The following ENOX2 variants were observed in gnomAD, a reference collection of about 807,000 sequenced individuals.
The protein encoded by ENOX2 is ecto-NOX disulfide-thiol exchanger 2.
Under a neutral mutation model 45.0 loss-of-function variants are expected in ENOX2, and 36 were observed. That is an observed-to-expected ratio of 0.80 (90% CI 0.61 to 1.06). ENOX2 has a LOEUF of 1.06. Among genes scored for constraint, ENOX2 ranks in the 50% least tolerant of loss-of-function variants. The pLI, the probability that ENOX2 is intolerant of heterozygous loss-of-function variation, is 0.00. For missense variants in ENOX2, 423 were observed against 462.5 expected, an observed-to-expected ratio of 0.91 and a Z score of 0.78; for synonymous variants, 174 against 152.3, an observed-to-expected ratio of 1.14 and a Z score of -1.05.
chrX:130,742,133 G>A (rs1293497909), intron 3 of ENOX2, among the ~76,000 whole-genome samples: 1 of 109,053 alleles, frequency 9.2e-6, no homozygotes, highest in African/African-American at 3.3e-5. Flanking sequence ...CTTGCTGGCT[G>A]TCACTGTTTA....
chrX:130,819,596 G>C (rs902665453), intron 2 of ENOX2, among the ~76,000 whole-genome samples: 34 of 111,669 alleles, frequency 3.0e-4, no homozygotes, highest in African/African-American at 9.5e-4. Flanking sequence ...AAGCTGGAAA[G>C]CATCCTTCTC....
chrX:130,731,068 G>C (rs1046307436), intron 3 of ENOX2, among the ~76,000 whole-genome samples: 1 of 110,823 alleles, frequency 9.0e-6, no homozygotes, highest in Non-Finnish European at 1.9e-5. Context: ...GTTGAAGGGG[G>C]CACTGGAATT....
At chrX:130,886,622 T>C (rs745429558) in intron 2 of ENOX2, among the ~76,000 whole-genome samples, 1 of 112,184 alleles carries the variant, frequency 8.9e-6, no homozygotes, top group Admixed American at 9.4e-5. Flanking sequence ...GGGCTCGTAT[T>C]TGTAGCTTTG....
At chrX:130,849,170 T>G (rs906603150) in intron 2 of ENOX2, among the ~76,000 whole-genome samples, 1 of 112,910 alleles carries the variant, frequency 8.9e-6, no homozygotes, top group South Asian at 3.6e-4. Context: ...CACAGTTATT[T>G]ATTTTCTTAA....
At chrX:130,825,313 C>T (rs749964894) in intron 2 of ENOX2, among the ~76,000 whole-genome samples, 2 of 111,063 alleles carry the variant, frequency 1.8e-5, no homozygotes, top group Admixed American at 1.9e-4. Context: ...AAATACTGTT[C>T]CTAAATTCAT....
chrX:130,739,229 G>T (rs1276416419), intron 3 of ENOX2, among the ~76,000 whole-genome samples: 2 of 112,391 alleles, frequency 1.8e-5, no homozygotes, highest in Non-Finnish European at 3.8e-5. Flanking sequence ...TGTGACGGTG[G>T]GCAGTGGCAG....
At chrX:130,800,678 A>T (rs1188787078) in intron 2 of ENOX2, among the ~76,000 whole-genome samples, 1 of 112,301 alleles carries the variant, frequency 8.9e-6, no homozygotes, top group African/African-American at 3.2e-5. Context: ...TCCAGCACAC[A>T]GGGAATAGCT....
At chrX:130,876,726 G>A (rs901155430) in intron 2 of ENOX2, among the ~76,000 whole-genome samples, 2 of 111,712 alleles carry the variant, frequency 1.8e-5, no homozygotes, top group Non-Finnish European at 3.8e-5. Context: ...GCAAGGGGAA[G>A]TAGAATCAGG....
chrX:130,669,091 C>T (rs1218816261), intron 7 of ENOX2, among the ~76,000 whole-genome samples: 1 of 111,927 alleles, frequency 8.9e-6, no homozygotes, highest in Non-Finnish European at 1.9e-5. Context: ...GTGAAGGAGA[C>T]CTATTTGGAA....
intron 2 of ENOX2, among the ~76,000 whole-genome samples, chrX:130,843,815 G>A (rs913598180): frequency 2.7e-5 from 3 of 111,772 alleles, no homozygotes; most frequent in East Asian, 5.6e-4. Context: ...TATATGCTCC[G>A]ATAGCATCCT....
intron 10 of ENOX2, among the ~76,000 whole-genome samples, chrX:130,641,479 G>A (rs2036080634): frequency 9.0e-6 from 1 of 110,970 alleles, no homozygotes; most frequent in Non-Finnish European, 1.9e-5. Flanking sequence ...AGCACTTTGG[G>A]AGGCTGAGGT....
At chrX:130,647,934 G>A (rs1234878572) in intron 10 of ENOX2, among the ~76,000 whole-genome samples, 1 of 111,277 alleles carries the variant, frequency 9.0e-6, no homozygotes, top group Non-Finnish European at 1.9e-5. Flanking sequence ...AAAAATATTA[G>A]ATCTCAAGAA....
chrX:130,757,560 T>A (rs934746366), intron 3 of ENOX2, among the ~76,000 whole-genome samples: 2 of 111,908 alleles, frequency 1.8e-5, no homozygotes, highest in Admixed American at 1.9e-4. Context: ...CCAGTTCTTA[T>A]GTTTCAATTC....
chrX:130,679,159 G>C (rs2037232902), intron 6 of ENOX2, among the ~76,000 whole-genome samples: 1 of 111,312 alleles, frequency 9.0e-6, no homozygotes, highest in Non-Finnish European at 1.9e-5. Flanking sequence ...GAGCTTTAGG[G>C]GGTGTGTGTG....
intron 3 of ENOX2, among the ~76,000 whole-genome samples, chrX:130,725,245 T>C (rs1394686133): frequency 9.1e-6 from 1 of 109,658 alleles, no homozygotes; most frequent in African/African-American, 3.3e-5. Context: ...CCAGTCATTT[T>C]TGAGCCTAAA....
chrX:130,709,255 T>C (rs1216528004), intron 3 of ENOX2: 1 of 1,207,523 alleles, frequency 8.3e-7, no homozygotes, highest in South Asian at 1.8e-5. Context: ...GCATAGCCTA[T>C]TTCGTAGACC....
chrX:130,721,166 T>C (rs1603324913), intron 3 of ENOX2, among the ~76,000 whole-genome samples: 1 of 111,338 alleles, frequency 9.0e-6, no homozygotes, highest in East Asian at 2.8e-4. Flanking sequence ...CTTCCCTGGG[T>C]ACAGTGCTTT....
intron 3 of ENOX2, among the ~76,000 whole-genome samples, chrX:130,781,780 TTTGTTGTTG>T (rs34314158): frequency 9.1e-6 from 1 of 110,005 alleles, no homozygotes; most frequent in Non-Finnish European, 1.9e-5. Context: ...ATGGCTGGGT[TTTGTTGTTG>T]TTGTTGTTGT....
At position 130,645,750 on chromosome X, in the gene ENOX2, C is replaced by T. The variant is rs1354790599; in HGVS notation, c.1130-8340G>A. On this transcript the variant is annotated intron_variant, in intron 10 of 14. Coordinates refer to ENST00000394363, the MANE Select transcript of ENOX2 (RefSeq NM_006375.4). ...GGTGAACCTAGCAGCCATGGTGTGGCGCCGGCTTCTGCGGAAGAGGTGGGT... is the reference window on the plus strand; with the variant it reads ...GGTGAACCTAGCAGCCATGGTGTGGTGCCGGCTTCTGCGGAAGAGGTGGGT... 1.3e-5 allele frequency: 11 copies of T among 815,903 alleles called. No individual in the cohort carries two copies. In the Admixed American group the frequency reaches 1.5e-4, roughly 11 times the overall value. 67.2% of individuals were successfully genotyped at this position (815,903 alleles called of 1,213,427 possible).
Sources: gnomAD v4.1 joint callset for allele counts (sites outside exome capture counted in the v4.1 genomes callset) on GRCh38, gnomAD v4.1.1 for gene constraint, MANE v1.5 for transcripts, NCBI Gene and HGNC (gene_info 2026-07-23, HGNC 2026-07-21) for gene names.